CDH2: variants seen among roughly 807,000 people sequenced by gnomAD.
CDH2 encodes the protein cadherin-2.
A neutral mutation model predicts 92.0 loss-of-function variants in CDH2; 17 were observed. That is an observed-to-expected ratio of 0.18 (90% CI 0.13 to 0.28). CDH2 has a LOEUF of 0.28. CDH2 is among the 10% of genes least tolerant of loss of function. CDH2 has a pLI of 1.00. For synonymous variants in CDH2, 419 were observed against 415.9 expected, an observed-to-expected ratio of 1.01 and a Z score of -0.09; for missense variants, 862 against 1,133.1, an observed-to-expected ratio of 0.76 and a Z score of 3.44.
chr18:27,942,646 A>G (rs1909167940), intron 6 of CDH2, among the ~76,000 whole-genome samples: 1 of 152,250 alleles, frequency 6.6e-6, no homozygotes, highest in Non-Finnish European at 1.5e-5. Flanking sequence ...AAAGAAACAG[A>G]AGAAAAGATT....
At chr18:27,956,727 GAA>G (rs1397081960) in intron 15 of CDH2, among the ~76,000 whole-genome samples, 6 of 152,242 alleles carry the variant, frequency 3.9e-5, no homozygotes, top group South Asian at 2.1e-4. Context: ...CCTTCCAAAT[GAA>G]AGAGTTCCCC....
chr18:27,964,929 G>C (rs1032659037), intron 14 of CDH2, among the ~76,000 whole-genome samples: 13 of 152,154 alleles, frequency 8.5e-5, no homozygotes, highest in African/African-American at 3.1e-4. Flanking sequence ...AGCTTGGAGG[G>C]ACAGGAATGT....
At chr18:28,006,890 G>A (rs1403574782) in intron 5 of CDH2, among the ~76,000 whole-genome samples, 1 of 151,520 alleles carries the variant, frequency 6.6e-6, no homozygotes, top group Non-Finnish European at 1.5e-5. Flanking sequence ...GTATATGGCT[G>A]GGCACAGTGA....
In CDH2 at chr18:27,985,012, T is replaced by G. The variant is rs752394774; in HGVS notation, c.2197A>C (p.Ile733Leu). Residue 733 changes from isoleucine (I) to leucine (L), a missense_variant, in exon 13 of 16, where the codon ATC (isoleucine) becomes CTC (leucine). This residue lies in a region of CDH2 where 564 missense variants were observed against 722.2 expected (regional missense o/e 0.78). Transcript: ENST00000269141. Reference sequence around the variant, plus strand: ...TAAAAGTACTCACTAAGCAGGATGATGATGCAGAGCAGGATGGCAATGATG... The same window carrying G: ...TAAAAGTACTCACTAAGCAGGATGAGGATGCAGAGCAGGATGGCAATGATG... The part of the protein sequence containing the change: ...GAIIAILLCI[I>L]ILLILVLMFV... The G allele has an allele frequency of 2.5e-6, 4 of 1,612,508 alleles. No individual in the cohort carries two copies. The Admixed American group carries it at 5.0e-5, about 20-fold the overall frequency.
intron 2 of CDH2, among the ~76,000 whole-genome samples, chr18:28,121,711 AG>A (rs1185312429): frequency 6.6e-6 from 1 of 152,100 alleles, no homozygotes; most frequent in African/African-American, 2.4e-5. Context: ...CAGACACTGT[AG>A]TCCCATAAAC....
intron 15 of CDH2, among the ~76,000 whole-genome samples, chr18:27,953,644 C>CA (rs1459214446): frequency 4.1e-5 from 3 of 73,848 alleles, no homozygotes; most frequent in East Asian, 6.4e-4. Context: ...GGAAGAAGAG[C>CA]AAAAAAATTA....
chr18:28,030,073 G>A (rs2013654418), intron 2 of CDH2, among the ~76,000 whole-genome samples: 1 of 152,010 alleles, frequency 6.6e-6, no homozygotes, highest in Non-Finnish European at 1.5e-5. Flanking sequence ...TTCTTATAAT[G>A]TCCTGATAAA....
intron 2 of CDH2, among the ~76,000 whole-genome samples, chr18:28,127,558 C>T (rs1012295283): frequency 2.0e-5 from 3 of 152,122 alleles, no homozygotes; most frequent in East Asian, 1.9e-4. Flanking sequence ...TAAAATAATG[C>T]TCATTTCACT....
rs17536961 is a variant in CDH2, at chr18:28,172,300, T to G, written c.60+4663A>C. Among the ~76,000 whole-genome samples the G allele has an allele frequency of 5.6e-3, 853 of 152,306 alleles. 10 individuals are homozygous for G. Among genetic ancestry groups the G allele is most frequent in the African/African-American group, 0.02 (815 of 41,564 alleles). ...CATCTTTCAAAAAGTCCCATTTAGC[T>G]TGTGAATTCACCTTGTTCTGCCTAC... On this transcript the variant is annotated intron_variant, in intron 1 of 15. Transcript: ENST00000269141.
chr18:28,102,438 C>G (rs17468924), intron 2 of CDH2, among the ~76,000 whole-genome samples: 34,374 of 152,006 alleles, frequency 0.23, 4,419 homozygotes, highest in Non-Finnish European at 0.3. Context: ...CAATCCTTAT[C>G]CATATCCTTG....
At chr18:28,144,667 A>G (rs2016007680) in intron 2 of CDH2, among the ~76,000 whole-genome samples, 2 of 152,108 alleles carry the variant, frequency 1.3e-5, no homozygotes, top group Admixed American at 1.3e-4. Context: ...AAATAGAGGC[A>G]CAGTTAAGCA....
intron 1 of CDH2, among the ~76,000 whole-genome samples, chr18:28,174,904 T>C (rs2016514405): frequency 1.3e-5 from 2 of 152,194 alleles, no homozygotes; most frequent in South Asian, 4.1e-4. Flanking sequence ...GACCCAATGC[T>C]GTCCAAAAAT....
At chr18:28,073,365 A>T (rs1425942115) in intron 2 of CDH2, among the ~76,000 whole-genome samples, 1 of 152,154 alleles carries the variant, frequency 6.6e-6, no homozygotes, top group Non-Finnish European at 1.5e-5. Context: ...TTCTAATGAC[A>T]TTTTTTGAGT....
intron 2 of CDH2, among the ~76,000 whole-genome samples, chr18:28,067,745 A>G (rs2014537263): frequency 6.6e-6 from 1 of 152,168 alleles, no homozygotes; most frequent in Admixed American, 6.6e-5. Flanking sequence ...ATAAAGCACC[A>G]TCTCCTCAAA....
chr18:28,019,784 T>C (rs2013358403), intron 2 of CDH2, among the ~76,000 whole-genome samples: 2 of 152,250 alleles, frequency 1.3e-5, no homozygotes, highest in South Asian at 4.1e-4. Context: ...TTTGCTCAAA[T>C]ATTAAAATAC....
chr18:27,983,130 C>A, intron 13 of CDH2, 47 bp from the exon 14 acceptor site: 1 of 1,494,092 alleles, frequency 6.7e-7, no homozygotes. Flanking sequence ...ATTTTTAAAG[C>A]CTGGCCTATT....
At chr18:28,042,958 T>C (rs1408541846) in intron 2 of CDH2, among the ~76,000 whole-genome samples, 2 of 152,216 alleles carry the variant, frequency 1.3e-5, no homozygotes, top group African/African-American at 4.8e-5. Context: ...CAAATTTTAT[T>C]TGTATTCAAT....
At position 27,967,757 on chromosome 18, in the gene CDH2, A is replaced by G. The variant is rs181954396; in HGVS notation, c.2350-4236T>C. On this transcript the variant is annotated intron_variant, in intron 14 of 15. Transcript: ENST00000269141. ...AGTAACTTAAATTTTTTTTTGGTCT[A>G]TGATTTAAAATGTCTTAAGGGCGAT... Among the ~76,000 whole-genome samples the G allele has an allele frequency of 2.8e-3, 430 of 152,250 alleles. 2 individuals carry two copies. The highest frequency in any genetic ancestry group is 4.3e-3 in the Non-Finnish European group (292 of 68,014).
intron 15 of CDH2, among the ~76,000 whole-genome samples, chr18:27,959,050 T>C (rs1219678021): frequency 6.6e-6 from 1 of 152,096 alleles, no homozygotes; most frequent in Non-Finnish European, 1.5e-5. Flanking sequence ...AATACACGTA[T>C]ATATATAAAG....
Sources: allele counts gnomAD v4.1 joint callset (sites outside exome capture counted in the v4.1 genomes callset), GRCh38; gene constraint gnomAD v4.1.1; regional missense constraint gnomAD v4.1.1; transcripts MANE v1.5; gene names NCBI Gene and HGNC (gene_info 2026-07-23, HGNC 2026-07-21).